The following NELL2 variants were observed in gnomAD, a reference collection of about 807,000 sequenced individuals.
NELL2 encodes the protein protein kinase C-binding protein NELL2.
In NELL2, 41 loss-of-function variants were observed where a neutral mutation model predicts 109.6. The observed-to-expected ratio is 0.37, with a 90% confidence interval of 0.29 to 0.49. The LOEUF is 0.49. Ranked by LOEUF, NELL2 falls within the 20% of genes least tolerant of loss-of-function variation. NELL2 has a pLI of 0.98. For missense variants in NELL2, 900 were observed against 1,008.3 expected, an observed-to-expected ratio of 0.89 and a Z score of 1.45; for synonymous variants, 355 against 344.7, an observed-to-expected ratio of 1.03 and a Z score of -0.33.
At chr12:44,601,581 C>A (rs759548785) in intron 15 of NELL2, among the ~76,000 whole-genome samples, 2 of 152,106 alleles carry the variant, frequency 1.3e-5, no homozygotes, top group Non-Finnish European at 1.5e-5. Context: ...TCTCTTATAA[C>A]ATCTCAGGGC....
chr12:44,568,238 G>A (rs868115810), intron 15 of NELL2, among the ~76,000 whole-genome samples: 1 of 152,132 alleles, frequency 6.6e-6, no homozygotes, highest in Admixed American at 6.6e-5. Context: ...AAACCCAGCA[G>A]AGTATCACAA....
intron 10 of NELL2, among the ~76,000 whole-genome samples, chr12:44,712,120 A>G (rs1265654223): frequency 2.0e-5 from 3 of 152,072 alleles, no homozygotes; most frequent in South Asian, 2.1e-4. Context: ...TCAGTCTCCA[A>G]TGTCCTAAAA....
intron 3 of NELL2, among the ~76,000 whole-genome samples, chr12:44,795,755 A>C (rs998477821): frequency 1.3e-5 from 2 of 152,140 alleles, no homozygotes; most frequent in Non-Finnish European, 2.9e-5. Flanking sequence ...ACAGTGGTAG[A>C]GCCAAAATTA....
chr12:44,529,627 G>T (rs914287855), intron 16 of NELL2, among the ~76,000 whole-genome samples: 1 of 152,198 alleles, frequency 6.6e-6, no homozygotes, highest in Non-Finnish European at 1.5e-5. Context: ...AACCAGGAGA[G>T]AGTGGGGTAC....
intron 9 of NELL2, among the ~76,000 whole-genome samples, chr12:44,720,526 A>G (rs1020032067): frequency 6.6e-6 from 1 of 152,184 alleles, no homozygotes; most frequent in Admixed American, 6.5e-5. Flanking sequence ...GAGCAGTAAG[A>G]AAGTAGCTGG....
intron 9 of NELL2, among the ~76,000 whole-genome samples, chr12:44,745,821 T>C (rs562553675): frequency 6.6e-6 from 1 of 152,272 alleles, no homozygotes; most frequent in Admixed American, 6.5e-5. Context: ...TGGAAGAACA[T>C]TCCATCCTCA....
chr12:44,875,363 G>C lies in NELL2; in HGVS notation c.56-10C>G, dbSNP rs1457737170. The C allele has an allele frequency of 1.2e-6, 2 of 1,614,076 alleles. No individual in the cohort carries two copies. Among genetic ancestry groups the C allele is most frequent in the Admixed American group, 3.3e-5 (2 of 60,022 alleles). ...ACACCAAGCCCCCAAACTGGTGAGGGGTATGAGGTGGGAGAGAGAAAAAGG... is the reference window on the plus strand; with the variant it reads ...ACACCAAGCCCCCAAACTGGTGAGGCGTATGAGGTGGGAGAGAGAAAAAGG... On this transcript the variant is annotated splice_polypyrimidine_tract_variant and intron_variant, in intron 1 of 19. Transcript: ENST00000429094.
At chr12:44,523,551 G>A in intron 16 of NELL2, 67 bp from the exon 17 acceptor site, 1 of 1,380,074 alleles carries the variant, frequency 7.2e-7, no homozygotes, top group East Asian at 2.3e-5. Flanking sequence ...ACTGCAATCA[G>A]GCCAGTTGTC....
At chr12:44,660,997 C>T (rs546054273) in intron 13 of NELL2, among the ~76,000 whole-genome samples, 19 of 152,278 alleles carry the variant, frequency 1.2e-4, no homozygotes, top group South Asian at 4.1e-4. Flanking sequence ...AGGGTCCACA[C>T]GTGTCCACTA....
At chr12:44,521,452 C>A (rs1592061868) in intron 18 of NELL2, among the ~76,000 whole-genome samples, 1 of 149,834 alleles carries the variant, frequency 6.7e-6, no homozygotes, top group Admixed American at 6.6e-5. Flanking sequence ...ATGGCGTGAA[C>A]CCGGGAGGCG....
upstream of NELL2, among the ~76,000 whole-genome samples, chr12:44,916,118 T>G (rs1945826816): frequency 6.6e-6 from 1 of 152,206 alleles, no homozygotes; most frequent in Non-Finnish European, 1.5e-5. Flanking sequence ...AAAGCCTACA[T>G]AATTTAACAA....
At chr12:44,519,298 T>A (rs990514570) in intron 19 of NELL2, among the ~76,000 whole-genome samples, 1 of 152,230 alleles carries the variant, frequency 6.6e-6, no homozygotes, top group African/African-American at 2.4e-5. Context: ...AATTAAATTT[T>A]TGTAGAAATA....
chr12:44,791,203 T>TATAC lies in NELL2; in HGVS notation c.336-11182_336-11181insGTAT, dbSNP rs1394529947. Among the ~76,000 whole-genome samples the TATAC allele has an allele frequency of 1.0e-3, 74 of 72,004 alleles. 4 individuals carry two copies. The highest frequency in any genetic ancestry group is 1.8e-3 in the Non-Finnish European group (67 of 36,372). 47.2% of individuals were successfully genotyped at this position (72,004 alleles called of 152,430 possible). ...TCCATCATATATATATATATATATA[T>TATAC]ATATATATATATATATATATATATG... On this transcript the variant is annotated intron_variant, in intron 3 of 19. Coordinates refer to ENST00000429094, the MANE Select transcript of NELL2 (RefSeq NM_001145108.2).
At chr12:44,603,558 G>T (rs1039836184) in intron 15 of NELL2, among the ~76,000 whole-genome samples, 3 of 152,062 alleles carry the variant, frequency 2.0e-5, no homozygotes, top group East Asian at 1.9e-4. Flanking sequence ...AATTACCCAA[G>T]AAATAATCAC....
chr12:44,903,720 G>A (rs1322807238), intron 1 of NELL2, among the ~76,000 whole-genome samples: 3 of 152,086 alleles, frequency 2.0e-5, no homozygotes, highest in Admixed American at 2.0e-4. Flanking sequence ...AAAAAAGAAC[G>A]AGTTCATGTC....
chr12:44,518,636 T>A (rs1592057905), intron 19 of NELL2, among the ~76,000 whole-genome samples: 1 of 152,238 alleles, frequency 6.6e-6, no homozygotes, highest in East Asian at 1.9e-4. Context: ...CCATCTGTGC[T>A]ATATTTCATT....
chr12:44,848,049 G>A lies in NELL2; in HGVS notation c.184+27176C>T, dbSNP rs867670439. Among the ~76,000 whole-genome samples, 831 of 141,500 alleles carry A rather than the reference G, an allele frequency of 5.9e-3. 12 individuals are homozygous for A. Among genetic ancestry groups the A allele is most frequent in the African/African-American group, 0.02 (779 of 39,006 alleles). 92.8% of individuals were successfully genotyped at this position (141,500 alleles called of 152,430 possible). A position where few individuals can be genotyped will look rare whatever the true frequency, so the allele number is the denominator to read the frequency against. On this transcript the variant is annotated intron_variant, in intron 2 of 19. Transcript: ENST00000429094. Reference sequence around the variant, plus strand: ...CTGTCTCAAAAAAAAAAAAAAAAAAGGCAGAAAAAGACTCTTGCCCACTTC... The same window carrying A: ...CTGTCTCAAAAAAAAAAAAAAAAAAAGCAGAAAAAGACTCTTGCCCACTTC...
intron 3 of NELL2, among the ~76,000 whole-genome samples, chr12:44,802,689 T>TA (rs1566430786): frequency 1.3e-5 from 2 of 151,962 alleles, no homozygotes; most frequent in African/African-American, 2.4e-5. Flanking sequence ...AAATAATACG[T>TA]AAAAAAAGTT....
At chr12:44,587,761 C>G (rs557828423) in intron 15 of NELL2, among the ~76,000 whole-genome samples, 4 of 152,290 alleles carry the variant, frequency 2.6e-5, no homozygotes, top group Admixed American at 1.3e-4. Context: ...TTGGGCCTAG[C>G]TTTCCTTAGC....
Sources: gnomAD v4.1 joint callset for allele counts (sites outside exome capture counted in the v4.1 genomes callset) on GRCh38, gnomAD v4.1.1 for gene constraint, MANE v1.5 for transcripts, NCBI Gene and HGNC (gene_info 2026-07-23, HGNC 2026-07-21) for gene names.